The following ZNF780B variants were observed in gnomAD, a reference collection of about 807,000 sequenced individuals.
ZNF780B encodes zinc finger protein 780B.
Under a neutral mutation model 74.1 loss-of-function variants are expected in ZNF780B, and 52 were observed. That is an observed-to-expected ratio of 0.70 (90% CI 0.56 to 0.88). The LOEUF (loss-of-function observed/expected upper bound fraction) is 0.88, where lower values mean the gene tolerates loss of function less well. Among genes scored for constraint, ZNF780B ranks in the 40% least tolerant of loss-of-function variants. ZNF780B has a pLI of 0.00. For synonymous variants in ZNF780B, 315 were observed against 324.3 expected, an observed-to-expected ratio of 0.97 and a Z score of 0.31; for missense variants, 953 against 1,007.6, an observed-to-expected ratio of 0.95 and a Z score of 0.73.
chr19:40,047,620 A>C (rs1235947195), intron 3 of ZNF780B, 150 bp from the exon 4 acceptor site: 2 of 447,556 alleles, frequency 4.5e-6, no homozygotes, highest in African/African-American at 4.1e-5. Context: ...GGGATCAACT[A>C]TGTTTAAAAA....
chr19:40,038,077 A>T (rs1055031748), intron 4 of ZNF780B, among the ~76,000 whole-genome samples: 1 of 151,142 alleles, frequency 6.6e-6, no homozygotes, highest in African/African-American at 2.4e-5. Flanking sequence ...CTCCCACCCC[A>T]CAACATTCCC....
chr19:40,030,747 A>G lies in ZNF780B; in HGVS notation c.*3610T>C, dbSNP rs1212973848. 2.6e-5 allele frequency: 4 copies of G among 152,198 alleles called. No individual in the cohort carries two copies. The highest frequency in any genetic ancestry group is 5.9e-5 in the Non-Finnish European group (4 of 68,044). The allele number at this position is 152,198 out of a possible 1,614,324, so 9.4% of individuals were successfully genotyped here. ...GAGTTTCACCGAAAGGCTGCCAGGG[A>G]TCTTTCTGACAACTCTTAATGATAC... is the stretch of plus-strand genomic sequence containing the variant. On this transcript the variant is annotated 3_prime_UTR_variant, in exon 5 of 5. Coordinates refer to ENST00000434248, the MANE Select transcript of ZNF780B (RefSeq NM_001005851.3).
At chr19:40,047,848 GGATT>G (rs1245576829) in intron 3 of ZNF780B, among the ~76,000 whole-genome samples, 1 of 152,000 alleles carries the variant, frequency 6.6e-6, no homozygotes, top group Non-Finnish European at 1.5e-5. Context: ...CTGTTTTATA[GGATT>G]GATACTAATA....
Position 40,036,368 on chromosome 19 carries a change from G to A in ZNF780B, c.491C>T (p.Pro164Leu), listed in dbSNP as rs776813589. The change falls in exon 5 of 5, where the codon CCA becomes CTA. Residue 164 changes from proline to leucine, a missense_variant. Coordinates refer to ENST00000434248, the MANE Select transcript of ZNF780B (RefSeq NM_001005851.3). ...HASPIHNTHK[P>L]YECKECGKYF... ...TTTCCCACATTCCTTACATTCATAT[G>A]GTTTATGTGTATTATGAATAGGAGA... 1 of 1,612,734 alleles carries A rather than the reference G, an allele frequency of 6.2e-7. No individual in the cohort carries two copies. The highest frequency in any genetic ancestry group is 1.1e-5 in the South Asian group (1 of 90,654).
Position 40,035,891 on chromosome 19 carries a change from T to A in ZNF780B, c.968A>T (p.His323Leu), listed in dbSNP as rs770657619. The change falls in exon 5 of 5, where the codon CAT becomes CTT. Residue 323 changes from histidine (H) to leucine (L), a missense_variant. Coordinates refer to ENST00000434248, the MANE Select transcript of ZNF780B (RefSeq NM_001005851.3). ...AFRYHYQLIE[H>L]CRIHTGEKPF... ...TTTCTCGCCAGTATGAATTCGGCAATGTTCAATGAGTTGGTAATGATATCG... is the reference window on the plus strand; with the variant it reads ...TTTCTCGCCAGTATGAATTCGGCAAAGTTCAATGAGTTGGTAATGATATCG... 3.3e-5 allele frequency: 53 copies of A among 1,613,438 alleles called. No homozygotes were observed. Among genetic ancestry groups the A allele is most frequent in the Non-Finnish European group, 4.4e-5 (52 of 1,179,910 alleles).
At chr19:40,042,270 C>T (rs887744885) in intron 4 of ZNF780B, among the ~76,000 whole-genome samples, 17 of 152,166 alleles carry the variant, frequency 1.1e-4, no homozygotes, top group Admixed American at 2.6e-4. Context: ...CCAAGAGATC[C>T]GCTGTTAGTT....
At position 40,031,460 on chromosome 19, in the gene ZNF780B, G is replaced by A. The variant is rs1971997830; in HGVS notation, c.*2897C>T. ...TGGTCTCAAACTCCTGACCTCAGGT[G>A]ATCTGCCCACCTTGGCCTCCCAAAG... is the stretch of plus-strand genomic sequence containing the variant. On this transcript the variant is annotated 3_prime_UTR_variant, in exon 5 of 5. Transcript: ENST00000434248. The A allele has an allele frequency of 6.6e-6, 1 of 152,292 alleles. No homozygotes were observed. Among genetic ancestry groups the A allele is most frequent in the Non-Finnish European group, 1.5e-5 (1 of 68,120 alleles). 9.4% of individuals were successfully genotyped at this position (152,292 alleles called of 1,614,324 possible). A position where few individuals can be genotyped will look rare whatever the true frequency, so the allele number is the denominator to read the frequency against.
At chr19:40,047,658 T>G (rs1972997399) in intron 3 of ZNF780B, among the ~76,000 whole-genome samples, 188 bp from the exon 4 acceptor site, 1 of 151,222 alleles carries the variant, frequency 6.6e-6, no homozygotes, top group Admixed American at 6.6e-5. Flanking sequence ...TTTAAACTCA[T>G]AATAGAAACT....
chr19:40,052,333 TA>T (rs1437558724), intron 1 of ZNF780B, among the ~76,000 whole-genome samples: 3 of 152,158 alleles, frequency 2.0e-5, no homozygotes, highest in Non-Finnish European at 4.4e-5. Context: ...CAAAAGTTTT[TA>T]AACATCACCC....
At chr19:40,055,192 G>A (rs189784664) in intron 1 of ZNF780B, among the ~76,000 whole-genome samples, 1 of 151,430 alleles carries the variant, frequency 6.6e-6, no homozygotes, top group Non-Finnish European at 1.5e-5. Context: ...TAGAAGAAGA[G>A]AGCGTACAGG....
intron 4 of ZNF780B, among the ~76,000 whole-genome samples, chr19:40,042,218 T>C (rs1381153340): frequency 6.6e-6 from 1 of 152,184 alleles, no homozygotes; most frequent in Admixed American, 6.5e-5. Flanking sequence ...TCAAGAATGT[T>C]GAATATTGGC....
chr19:40,038,878 G>C (rs879569858), intron 4 of ZNF780B, among the ~76,000 whole-genome samples: 168 of 149,906 alleles, frequency 1.1e-3, no homozygotes, highest in Admixed American at 2.1e-3. Context: ...TCACTCTGAT[G>C]GTAGTTTCTT....
intron 2 of ZNF780B, chr19:40,049,087 G>C: frequency 2.7e-6 from 1 of 366,148 alleles, no homozygotes; most frequent in Non-Finnish European, 5.0e-6. Context: ...AAGAAAGAAA[G>C]AACTGTCGTG....
At chr19:40,043,777 G>A (rs1040608324) in intron 4 of ZNF780B, among the ~76,000 whole-genome samples, 6 of 152,342 alleles carry the variant, frequency 3.9e-5, no homozygotes, top group African/African-American at 9.6e-5. Context: ...TAGAGTGGGA[G>A]TGACCCGATT....
chr19:40,050,457 A>G (rs1382292042), intron 1 of ZNF780B, 80 bp from the exon 2 acceptor site: 11 of 1,367,208 alleles, frequency 8.0e-6, no homozygotes, highest in African/African-American at 1.4e-5. Context: ...TTTATCCTCC[A>G]TTCCTATTTC....
intron 2 of ZNF780B, among the ~76,000 whole-genome samples, chr19:40,049,242 A>G (rs113181699): frequency 1.7e-3 from 262 of 151,144 alleles, no homozygotes; most frequent in Non-Finnish European, 3.4e-3. Flanking sequence ...TCAAAAAAAA[A>G]AAAAAAAAAA....
chr19:40,045,764 A>G (rs1459426497), intron 4 of ZNF780B, among the ~76,000 whole-genome samples: 1 of 152,094 alleles, frequency 6.6e-6, no homozygotes, highest in East Asian at 1.9e-4. Flanking sequence ...GAGGTGGGTG[A>G]ATCACCTGAG....
intron 2 of ZNF780B, 82 bp downstream of exon 2, chr19:40,050,240 AAG>A: frequency 8.2e-7 from 1 of 1,218,024 alleles, no homozygotes; most frequent in East Asian, 2.4e-5. Context: ...ATCCTTACGT[AAG>A]AAGGTTCAGG....
In ZNF780B at chr19:40,035,399, T is replaced by C; in HGVS notation, c.1460A>G (p.Gln487Arg). ...ATGAATGTTCTTATGTCGAGCAAGC[T>C]GTGTCAGAAGACTAAAGGCCTTTCC... ...ECGKAFSLLT[Q>R]LARHKNIHTG... Residue 487 changes from glutamine to arginine, a missense_variant, in exon 5 of 5, where the codon CAG becomes CGG. Gln to Arg is a conservative substitution (Grantham distance 43). Coordinates refer to ENST00000434248, the MANE Select transcript of ZNF780B (RefSeq NM_001005851.3). 6.2e-7 allele frequency: 1 copy of C among 1,614,182 alleles called. No individual in the cohort carries two copies. Among genetic ancestry groups the C allele is most frequent in the African/African-American group, 1.3e-5 (1 of 75,050 alleles).
Sources: allele counts gnomAD v4.1 joint callset (sites outside exome capture counted in the v4.1 genomes callset), GRCh38; gene constraint gnomAD v4.1.1; transcripts MANE v1.5; gene names NCBI Gene and HGNC (gene_info 2026-07-23, HGNC 2026-07-21).